The following SPRED2 variants were observed in gnomAD, a reference collection of about 807,000 sequenced individuals.
SPRED2 encodes sprouty related EVH1 domain containing 2, also known as sprouty-related, EVH1 domain-containing protein 2.
Under a neutral mutation model 43.0 loss-of-function variants are expected in SPRED2, and 47 were observed. The ratio of observed to expected loss-of-function variants is 1.09; its 90% CI spans 0.87 to 1.40. The LOEUF is 1.40. Among genes scored for constraint, SPRED2 ranks in the 40% most tolerant of loss-of-function variants. SPRED2 has a pLI of 0.00. For synonymous variants in SPRED2, 225 were observed against 225.7 expected (o/e 1.00, Z 0.03); for missense variants, 561 against 586.4 (o/e 0.96, Z 0.45).
intron 1 of SPRED2, chr2:65,366,601 T>C (rs370079019): frequency 3.9e-6 from 6 of 1,553,846 alleles, no homozygotes; most frequent in Non-Finnish European, 5.2e-6. Flanking sequence ...TGCCAGGCGA[T>C]GCCATTTCCT....
chr2:65,366,460 ATACACACTGTGG>A (rs1674981201), intron 1 of SPRED2: 1 of 919,620 alleles, frequency 1.1e-6, no homozygotes, highest in Non-Finnish European at 1.7e-6. Context: ...ATACAAACAC[ATACACACTGTGG>A]TCCTCTACAA....
intron 1 of SPRED2, among the ~76,000 whole-genome samples, chr2:65,427,696 G>GT (rs759142755): frequency 1.3e-5 from 2 of 152,220 alleles, no homozygotes; most frequent in Non-Finnish European, 1.5e-5. Flanking sequence ...GGGAAGATAA[G>GT]TGAAGTGAGA....
chr2:65,319,784 A>G (rs1488628332), intron 4 of SPRED2, among the ~76,000 whole-genome samples: 2 of 152,128 alleles, frequency 1.3e-5, no homozygotes, highest in African/African-American at 4.8e-5. Context: ...CAGGTAAAAC[A>G]CTATCTCCAT....
chr2:65,315,978 G>C (rs903176991), intron 5 of SPRED2, among the ~76,000 whole-genome samples: 9 of 152,150 alleles, frequency 5.9e-5, no homozygotes, highest in Non-Finnish European at 1.2e-4. Flanking sequence ...TTTTTAAATA[G>C]GACATTTTAA....
At chr2:65,338,906 C>A (rs576354441) in intron 2 of SPRED2, among the ~76,000 whole-genome samples, 5 of 149,164 alleles carry the variant, frequency 3.4e-5, no homozygotes, top group East Asian at 2.0e-4. Context: ...CGTCTCTGCC[C>A]GGCAGCCCAT....
At chr2:65,401,894 C>T (rs1363132463) in intron 1 of SPRED2, among the ~76,000 whole-genome samples, 1 of 150,880 alleles carries the variant, frequency 6.6e-6, no homozygotes, top group East Asian at 1.9e-4. Context: ...CTACACTACT[C>T]AGATTATAAA....
chr2:65,315,206 G>A (rs1673199303), intron 5 of SPRED2, among the ~76,000 whole-genome samples: 2 of 145,988 alleles, frequency 1.4e-5, no homozygotes, highest in African/African-American at 5.6e-5. Context: ...TTCAGGGGTT[G>A]AGGAACGTGG....
chr2:65,327,923 C>T (rs1421553426), intron 4 of SPRED2, among the ~76,000 whole-genome samples: 1 of 151,608 alleles, frequency 6.6e-6, no homozygotes, highest in Non-Finnish European at 1.5e-5. Flanking sequence ...GGGGTTTCAC[C>T]ATGTTGGCCA....
At chr2:65,364,959 T>C (rs1355492219) in intron 1 of SPRED2, among the ~76,000 whole-genome samples, 2 of 152,216 alleles carry the variant, frequency 1.3e-5, no homozygotes, top group African/African-American at 2.4e-5. Context: ...TGGCAAAATA[T>C]GGGTCTTAGT....
chr2:65,351,545 T>A lies in SPRED2; in HGVS notation c.27-6649A>T, dbSNP rs911035550. On this transcript the variant is annotated intron_variant, in intron 1 of 5. Coordinates refer to ENST00000356388, the MANE Select transcript of SPRED2 (RefSeq NM_181784.3). ...TCCAGCCCAACTCCCAGACGCCAGC[T>A]GAGCCAAATATAACACCAACTTCTT... Among the ~76,000 whole-genome samples the A allele has an allele frequency of 2.0e-5, 3 of 152,216 alleles. No individual in the cohort carries two copies. The East Asian group carries it at 5.8e-4, about 29-fold the overall frequency.
chr2:65,402,278 CAAAAAAAAAAAAAAAAA>C (rs58209803), intron 1 of SPRED2, among the ~76,000 whole-genome samples: 1 of 64,404 alleles, frequency 1.6e-5, no homozygotes. Flanking sequence ...GACTCTGTCT[CAAAAAAAAAAAAAAAAA>C]AAAAAAAAAA....
At chr2:65,372,708 C>G (rs901065211) in intron 1 of SPRED2, among the ~76,000 whole-genome samples, 3 of 152,188 alleles carry the variant, frequency 2.0e-5, no homozygotes, top group African/African-American at 7.2e-5. Flanking sequence ...TAGCAACTGA[C>G]AGGCTGAACA....
chr2:65,390,033 T>C (rs1332336843), intron 1 of SPRED2, among the ~76,000 whole-genome samples: 1 of 152,142 alleles, frequency 6.6e-6, no homozygotes, highest in Non-Finnish European at 1.5e-5. Flanking sequence ...CTGATACACA[T>C]CACCCCTTTC....
At chr2:65,382,638 CATT>C (rs1220746415) in intron 1 of SPRED2, among the ~76,000 whole-genome samples, 2 of 152,164 alleles carry the variant, frequency 1.3e-5, no homozygotes, top group African/African-American at 2.4e-5. Flanking sequence ...AAGCAGGTGT[CATT>C]AATTATAACA....
intron 1 of SPRED2, among the ~76,000 whole-genome samples, chr2:65,347,752 T>G (rs1674395746): frequency 6.6e-6 from 1 of 152,196 alleles, no homozygotes; most frequent in African/African-American, 2.4e-5. Context: ...ATGTGAGGTC[T>G]CTACATAGGC....
Position 65,399,689 on chromosome 2 carries a change from A to T in SPRED2, c.26+32273T>A, listed in dbSNP as rs1675839244. Among the ~76,000 whole-genome samples, 3 of 152,098 alleles carry T rather than the reference A, an allele frequency of 2.0e-5. 1 individual carries two copies. In the South Asian group the frequency reaches 6.2e-4, roughly 31 times the overall value. ...AGCCACTGCGCCTGGCCTTAACTGGAAACTATTATTCTAAGTGAAGTAACT... is the reference window on the plus strand; with the variant it reads ...AGCCACTGCGCCTGGCCTTAACTGGTAACTATTATTCTAAGTGAAGTAACT... On this transcript the variant is annotated intron_variant, in intron 1 of 5. Coordinates refer to ENST00000356388, the MANE Select transcript of SPRED2 (RefSeq NM_181784.3).
At chr2:65,362,864 AAAAAAG>A (rs1293566547) in intron 1 of SPRED2, among the ~76,000 whole-genome samples, 3 of 150,820 alleles carry the variant, frequency 2.0e-5, no homozygotes, top group African/African-American at 4.9e-5. Context: ...ATTTCAAAAA[AAAAAAG>A]AAAAGAAAAG....
intron 1 of SPRED2, among the ~76,000 whole-genome samples, chr2:65,385,519 T>C (rs1675474367): frequency 6.6e-6 from 1 of 151,944 alleles, no homozygotes. Context: ...AGTGCTGCAG[T>C]GGAGGGGAGG....
intron 4 of SPRED2, among the ~76,000 whole-genome samples, chr2:65,317,893 CAAGTT>C (rs1346184655): frequency 2.6e-5 from 4 of 152,204 alleles, no homozygotes; most frequent in African/African-American, 7.2e-5. Flanking sequence ...GTAGAGATGT[CAAGTT>C]AAGACTGGAG....
Sources: allele counts gnomAD v4.1 joint callset (sites outside exome capture counted in the v4.1 genomes callset), GRCh38; gene constraint gnomAD v4.1.1; transcripts MANE v1.5; gene names NCBI Gene and HGNC (gene_info 2026-07-23, HGNC 2026-07-21).